Variants in GPC6 observed in about 807,000 individuals in gnomAD.
GPC6 encodes the protein glypican-6.
In GPC6, 14 loss-of-function variants were observed where a neutral mutation model predicts 55.2. The ratio of observed to expected loss-of-function variants is 0.25; its 90% CI spans 0.17 to 0.40. The LOEUF is 0.40. Ranked by LOEUF, GPC6 falls within the 10% of genes least tolerant of loss-of-function variation. The pLI is 1.00. For synonymous variants in GPC6, 278 were observed against 259.6 expected (o/e 1.07, Z -0.68); for missense variants, 641 against 708.5 (o/e 0.90, Z 1.08).
chr13:93,261,183 A>G (rs1877133780), intron 1 of GPC6, among the ~76,000 whole-genome samples: 1 of 152,150 alleles, frequency 6.6e-6, no homozygotes, highest in Non-Finnish European at 1.5e-5. Context: ...TCTATGAGAT[A>G]TGGGCAGTTA....
At chr13:93,966,253 T>C (rs1294363573) in intron 3 of GPC6, among the ~76,000 whole-genome samples, 1 of 152,214 alleles carries the variant, frequency 6.6e-6, no homozygotes, top group Non-Finnish European at 1.5e-5. Flanking sequence ...GGAATAAGAA[T>C]GTAACCATTG....
intron 7 of GPC6, among the ~76,000 whole-genome samples, chr13:94,391,902 C>T (rs1260635536): frequency 6.6e-6 from 1 of 152,128 alleles, no homozygotes; most frequent in African/African-American, 2.4e-5. Flanking sequence ...AATATTTGTC[C>T]TTTTGTGACT....
At chr13:94,269,809 T>C (rs1891935737) in intron 4 of GPC6, among the ~76,000 whole-genome samples, 2 of 152,148 alleles carry the variant, frequency 1.3e-5, no homozygotes, top group South Asian at 4.1e-4. Flanking sequence ...CCCTCCTAGT[T>C]GACCAAACTA....
At chr13:93,261,642 G>T (rs1877152121) in intron 1 of GPC6, among the ~76,000 whole-genome samples, 1 of 152,142 alleles carries the variant, frequency 6.6e-6, no homozygotes, top group South Asian at 2.1e-4. Flanking sequence ...CAGCACTCCA[G>T]AATTCCCTGA....
At chr13:93,759,569 C>T (rs1366087365) in intron 2 of GPC6, among the ~76,000 whole-genome samples, 1 of 152,090 alleles carries the variant, frequency 6.6e-6, no homozygotes, top group African/African-American at 2.4e-5. Flanking sequence ...CATAACTCAC[C>T]TTACATCGGA....
intron 1 of GPC6, among the ~76,000 whole-genome samples, chr13:93,388,103 A>T (rs1301202252): frequency 2.0e-5 from 3 of 152,142 alleles, no homozygotes; most frequent in Non-Finnish European, 1.5e-5. Context: ...TGCTTTAGAG[A>T]TGATGAAACT....
At chr13:93,604,278 C>T (rs1283534093) in intron 2 of GPC6, among the ~76,000 whole-genome samples, 14 of 152,208 alleles carry the variant, frequency 9.2e-5, no homozygotes, top group African/African-American at 2.9e-4. Context: ...TTGTTATATA[C>T]GTGACTGAGC....
intron 4 of GPC6, among the ~76,000 whole-genome samples, chr13:94,046,418 A>G (rs945215096): frequency 4.6e-5 from 7 of 152,036 alleles, no homozygotes; most frequent in Admixed American, 2.6e-4. Flanking sequence ...ACTTGAGCTC[A>G]CTATTGAACT....
chr13:94,072,690 A>G (rs570624849), intron 4 of GPC6, among the ~76,000 whole-genome samples: 57 of 152,326 alleles, frequency 3.7e-4, no homozygotes, highest in African/African-American at 1.3e-3. Context: ...CTTTTAAAGC[A>G]CTAGAAAAGC....
At chr13:93,369,341 A>G (rs559459846) in intron 1 of GPC6, among the ~76,000 whole-genome samples, 2 of 152,276 alleles carry the variant, frequency 1.3e-5, no homozygotes, top group African/African-American at 4.8e-5. Flanking sequence ...AAAGGATGGG[A>G]AAAGATATAC....
chr13:94,223,578 G>T (rs975176007), intron 4 of GPC6, among the ~76,000 whole-genome samples: 1 of 152,064 alleles, frequency 6.6e-6, no homozygotes, highest in Non-Finnish European at 1.5e-5. Flanking sequence ...TTTCCTCCCT[G>T]CGTAGCTCCA....
At chr13:93,319,698 G>A (rs1211759150) in intron 1 of GPC6, among the ~76,000 whole-genome samples, 1 of 152,210 alleles carries the variant, frequency 6.6e-6, no homozygotes, top group Admixed American at 6.5e-5. Flanking sequence ...GTCCCAGGAC[G>A]GAAGGAAAGG....
chr13:94,024,008 C>A (rs369197215), intron 3 of GPC6, among the ~76,000 whole-genome samples: 1 of 151,740 alleles, frequency 6.6e-6, no homozygotes. Flanking sequence ...AAAGGGAGTT[C>A]TTTTATGGTG....
chr13:93,790,887 A>G (rs528815976), intron 2 of GPC6, among the ~76,000 whole-genome samples: 1 of 152,322 alleles, frequency 6.6e-6, no homozygotes, highest in African/African-American at 2.4e-5. Context: ...AGGTTTTCAC[A>G]TGGACAGCGA....
chr13:93,928,659 CA>C (rs1877983016), intron 3 of GPC6, among the ~76,000 whole-genome samples: 1 of 152,086 alleles, frequency 6.6e-6, no homozygotes, highest in African/African-American at 2.4e-5. Flanking sequence ...TTCACTTAAC[CA>C]AAGCCAGTAC....
At chr13:93,773,324 A>G (rs182568021) in intron 2 of GPC6, among the ~76,000 whole-genome samples, 2 of 152,284 alleles carry the variant, frequency 1.3e-5, no homozygotes, top group East Asian at 3.9e-4. Context: ...ATGAAGGCAT[A>G]TATGTCATAA....
chr13:93,990,726 A>G (rs1422211497), intron 3 of GPC6, among the ~76,000 whole-genome samples: 1 of 151,152 alleles, frequency 6.6e-6, no homozygotes, highest in Non-Finnish European at 1.5e-5. Flanking sequence ...TTAGCCAAGC[A>G]TGATGGTGCA....
intron 2 of GPC6, among the ~76,000 whole-genome samples, chr13:93,644,275 C>A (rs1880081622): frequency 6.6e-6 from 1 of 152,028 alleles, no homozygotes; most frequent in South Asian, 2.1e-4. Flanking sequence ...TAAGGTCATT[C>A]TCACGACTTA....
chr13:94,299,152 A>C (rs911783301), intron 5 of GPC6, among the ~76,000 whole-genome samples: 1 of 152,180 alleles, frequency 6.6e-6, no homozygotes. Flanking sequence ...ATAGAGCTTA[A>C]ATTATTCATG....
Sources: allele counts gnomAD v4.1 joint callset (sites outside exome capture counted in the v4.1 genomes callset), GRCh38; gene constraint gnomAD v4.1.1; transcripts MANE v1.5; gene names NCBI Gene and HGNC (gene_info 2026-07-23, HGNC 2026-07-21).